Variants in C6orf136 observed in about 807,000 individuals in gnomAD.
C6orf136 encodes the protein uncharacterized protein C6orf136.
Under a neutral mutation model 44.0 loss-of-function variants are expected in C6orf136, and 29 were observed. The ratio of observed to expected loss-of-function variants is 0.66; its 90% CI spans 0.49 to 0.90. The LOEUF is 0.90. Among genes scored for constraint, C6orf136 ranks in the 40% least tolerant of loss-of-function variants. The pLI, the probability that C6orf136 is intolerant of heterozygous loss-of-function variation, is 0.00. For synonymous variants in C6orf136, 293 were observed against 278.6 expected (o/e 1.05, Z -0.52); for missense variants, 628 against 669.3 (o/e 0.94, Z 0.68).
At position 30,649,694 on chromosome 6, in the gene C6orf136, C is replaced by T; in HGVS notation, c.752C>T (p.Pro251Leu). ...LPTQRLPQVP[P>L]LPLPQIQALS... ...ACCCAGCGTCTTCCCCAGGTTCCCCCACTACCTCTCCCTCAGATCCAGGCC... is the reference window on the plus strand; with the variant it reads ...ACCCAGCGTCTTCCCCAGGTTCCCCTACTACCTCTCCCTCAGATCCAGGCC... The change falls in exon 2 of 6, where the codon CCA becomes CTA. Residue 251 changes from proline to leucine, a missense_variant. This residue lies in a region of C6orf136 where 497 missense variants were observed against 469.2 expected (regional missense o/e 1.06). Transcript: ENST00000651131. 1 of 1,611,978 alleles carries T rather than the reference C, an allele frequency of 6.2e-7. No individual in the cohort carries two copies. Among genetic ancestry groups the T allele is most frequent in the South Asian group, 1.1e-5 (1 of 90,906 alleles).
chr6:30,650,928 T>G (rs1355546362), intron 2 of C6orf136, 66 bp from the exon 3 acceptor site: 5 of 1,318,720 alleles, frequency 3.8e-6, no homozygotes, highest in South Asian at 2.5e-5. Context: ...AAAAAAAAAT[T>G]AGAAAACTGA....
Position 30,647,451 on chromosome 6 carries a change from A to G in C6orf136, c.220A>G (p.Arg74Gly), listed in dbSNP as rs1288949198. Residue 74 changes from arginine to glycine, a missense_variant, in exon 1 of 6, where the codon AGG (arginine) becomes GGG (glycine). Transcript: ENST00000651131. The surrounding 1 kb of genome is among the most constrained non-coding windows in gnomAD (Gnocchi z 4.8). ...CACCTGTGCCCTGCAGCGCGTGGAC[A>G]GGCTAGGGGTCGCGGGAGCGGGAGG... ...LPTCALQRVD[R>G]LGVAGAGGRR... 6 of 1,467,206 alleles carry G rather than the reference A, an allele frequency of 4.1e-6. No homozygotes were observed. The highest frequency in any genetic ancestry group is 1.8e-6 in the Non-Finnish European group (2 of 1,104,518). 90.9% of individuals were successfully genotyped at this position (1,467,206 alleles called of 1,614,324 possible). A position where few individuals can be genotyped will look rare whatever the true frequency, so the allele number is the denominator to read the frequency against.
rs369551261 is a variant in C6orf136, at chr6:30,650,019, C to T, written c.1017+60C>T. The T allele has an allele frequency of 7.9e-5, 114 of 1,443,528 alleles. No homozygotes were observed. The African/African-American group carries it at 1.0e-3, about 13-fold the overall frequency. The allele number at this position is 1,443,528 out of a possible 1,614,324, so 89.4% of individuals were successfully genotyped here. On this transcript the variant is annotated intron_variant, in intron 2 of 5. Transcript: ENST00000651131. ...GGGAAGGATGTGGGTAATCCTTGGACGTACAGGGATAGTCAACTGGATTCT... is the reference window on the plus strand; with the variant it reads ...GGGAAGGATGTGGGTAATCCTTGGATGTACAGGGATAGTCAACTGGATTCT...
intron 4 of C6orf136, 165 bp from the exon 5 acceptor site, chr6:30,652,483 T>A: frequency 1.5e-6 from 1 of 662,604 alleles, no homozygotes. Context: ...CCAAACACTC[T>A]GATTTAATTG....
rs1179291498 is a variant in C6orf136, at chr6:30,649,652, T to A, written c.710T>A (p.Leu237Gln). Residue 237 changes from leucine (L) to glutamine (Q), a missense_variant, in exon 2 of 6, where the codon CTG (leucine) becomes CAG (glutamine). Transcript: ENST00000651131. ...SPSSPLFWSP[L>Q]PPRLPTQRLP... Reference sequence around the variant, plus strand: ...TCTTCTCCTCTATTCTGGTCTCCCCTGCCCCCACGCCTTCCCACCCAGCGT... The same window carrying A: ...TCTTCTCCTCTATTCTGGTCTCCCCAGCCCCCACGCCTTCCCACCCAGCGT... The A allele has an allele frequency of 1.2e-6, 2 of 1,605,178 alleles. No homozygotes were observed. The highest frequency in any genetic ancestry group is 2.7e-5 in the African/African-American group (2 of 74,194).
intron 3 of C6orf136, 71 bp from the exon 4 acceptor site, chr6:30,651,195 C>T: frequency 1.3e-6 from 2 of 1,586,998 alleles, no homozygotes; most frequent in Admixed American, 1.7e-5. Context: ...AGCTGTTCCC[C>T]ATTCCTTAGA....
Position 30,647,950 on chromosome 6 carries a change from C to T in C6orf136, c.615+104C>T. ...GAGGCCTAACTTTGGGTGACCTCCC[C>T]TTGCAGTTTCAACGTCGGTAAACCC... On this transcript the variant is annotated intron_variant, in intron 1 of 5. Coordinates refer to ENST00000651131, the MANE Select transcript of C6orf136 (RefSeq NM_001161376.2). This position sits in a 1 kb window ranked among gnomAD's most constrained non-coding sequence, Gnocchi z 4.8. The T allele has an allele frequency of 7.1e-7, 1 of 1,403,438 alleles. No homozygotes were observed. 86.9% of individuals were successfully genotyped at this position (1,403,438 alleles called of 1,614,324 possible).
intron 1 of C6orf136, 98 bp from the exon 2 acceptor site, chr6:30,649,460 G>C: frequency 9.4e-7 from 1 of 1,061,234 alleles, no homozygotes; most frequent in Non-Finnish European, 1.4e-6. Flanking sequence ...CATTCTGTCA[G>C]GAGGAATAGG....
At chr6:30,651,589 C>A in intron 4 of C6orf136, 123 bp downstream of exon 4, 1 of 941,556 alleles carries the variant, frequency 1.1e-6, no homozygotes, top group Non-Finnish European at 1.6e-6. Flanking sequence ...TCACTGCAGC[C>A]TCTGCCTCCC....
At chr6:30,649,232 G>A (rs1006962729) in intron 1 of C6orf136, among the ~76,000 whole-genome samples, 3 of 151,824 alleles carry the variant, frequency 2.0e-5, no homozygotes, top group East Asian at 1.9e-4. Context: ...GCATGGTGGC[G>A]CGCGCCTGTA....
rs549203712 is a variant in C6orf136, at chr6:30,647,951, T to G, written c.615+105T>G. ...AGGCCTAACTTTGGGTGACCTCCCC[T>G]TGCAGTTTCAACGTCGGTAAACCCA... is the stretch of plus-strand genomic sequence containing the variant. On this transcript the variant is annotated intron_variant, in intron 1 of 5. Coordinates refer to ENST00000651131, the MANE Select transcript of C6orf136 (RefSeq NM_001161376.2). The surrounding 1 kb of genome is among the most constrained non-coding windows in gnomAD (Gnocchi z 4.8). 7.1e-7 allele frequency: 1 copy of G among 1,402,056 alleles called. No individual in the cohort carries two copies. Among genetic ancestry groups the G allele is most frequent in the South Asian group, 1.5e-5 (1 of 64,916 alleles). The allele number at this position is 1,402,056 out of a possible 1,614,324, so 86.9% of individuals were successfully genotyped here.
In C6orf136 at chr6:30,653,016, T is replaced by G. The variant is rs1034855741; in HGVS notation, c.*101T>G. The stretch of plus-strand genomic sequence containing the variant: ...CAGGAGCCAGCTTCCTCTCCTCGTT[T>G]CTCTCCTTCCTTCCTTTCCATCTCA... On this transcript the variant is annotated 3_prime_UTR_variant, in exon 6 of 6. Transcript: ENST00000651131. 8.3e-6 allele frequency: 10 copies of G among 1,204,160 alleles called. No homozygotes were observed. The highest frequency in any genetic ancestry group is 1.1e-5 in the Non-Finnish European group (9 of 835,390). The allele number at this position is 1,204,160 out of a possible 1,614,324, so 74.6% of individuals were successfully genotyped here. A position where few individuals can be genotyped will look rare whatever the true frequency, so the allele number is the denominator to read the frequency against.
In C6orf136 at chr6:30,647,393, C is replaced by G; in HGVS notation, c.162C>G (p.Ser54=). 1 of 1,481,706 alleles carries G rather than the reference C, an allele frequency of 6.7e-7. No homozygotes were observed. Among genetic ancestry groups the G allele is most frequent in the Non-Finnish European group, 9.0e-7 (1 of 1,115,918 alleles). 91.8% of individuals were successfully genotyped at this position (1,481,706 alleles called of 1,614,324 possible). Residue 54 remains serine, a synonymous_variant, in exon 1 of 6, where the codon TCC becomes TCG. Coordinates refer to ENST00000651131, the MANE Select transcript of C6orf136 (RefSeq NM_001161376.2). This position sits in a 1 kb window ranked among gnomAD's most constrained non-coding sequence, Gnocchi z 4.8. ...PVRGAERALG[S]AQAQRHPPPL... ...GTGGGGCGGAGCGCGCGCTGGGTTC[C>G]GCGCAGGCGCAGAGACACCCGCCGC...
chr6:30,647,629 G>T lies in C6orf136; in HGVS notation c.398G>T (p.Arg133Leu). 5 of 1,549,926 alleles carry T rather than the reference G, an allele frequency of 3.2e-6. No homozygotes were observed. The highest frequency in any genetic ancestry group is 4.4e-6 in the Non-Finnish European group (5 of 1,146,508). The change falls in exon 1 of 6, where the codon CGA becomes CTA. Residue 133 changes from arginine to leucine, a missense_variant. Arg to Leu is a moderately radical substitution (Grantham distance 102). Around this residue, in one of 2 missense-constraint regions of C6orf136, gnomAD observed 497 missense variants for 469.2 expected, o/e 1.06. Transcript: ENST00000651131. The surrounding 1 kb of genome is among the most constrained non-coding windows in gnomAD (Gnocchi z 4.8). ...AGAGGTGATTTGAAGGGCAGGGGCCGAGAGATTCGTAGCCCTGCTGCGGCG... is the reference window on the plus strand; with the variant it reads ...AGAGGTGATTTGAAGGGCAGGGGCCTAGAGATTCGTAGCCCTGCTGCGGCG... The part of the protein sequence containing the change: ...VPRGDLKGRG[R>L]EIRSPAAAPS...
chr6:30,649,790 G>C lies in C6orf136; in HGVS notation c.848G>C (p.Gly283Ala), dbSNP rs1767236619. 3.1e-6 allele frequency: 5 copies of C among 1,614,108 alleles called. No individual in the cohort carries two copies. The highest frequency in any genetic ancestry group is 4.2e-6 in the Non-Finnish European group (5 of 1,180,000). ...EEGPGPELHS[G>A]CLDGLRSLFE... ...GGACCAGGACCTGAGTTGCATAGCG[G>C]CTGCCTGGATGGGCTTAGAAGCCTT... The change falls in exon 2 of 6, where the codon GGC becomes GCC. Residue 283 changes from glycine to alanine, a missense_variant. By Grantham distance (60) the Gly-to-Ala change is moderately conservative. Coordinates refer to ENST00000651131, the MANE Select transcript of C6orf136 (RefSeq NM_001161376.2).
At chr6:30,652,239 T>TCACACACACACACACACA (rs5875269) in intron 4 of C6orf136, among the ~76,000 whole-genome samples, 1 of 142,606 alleles carries the variant, frequency 7.0e-6, no homozygotes, top group African/African-American at 2.6e-5. Flanking sequence ...TGAAACCCTG[T>TCACACACACACACACACA]CACACACACA....
At position 30,653,128 on chromosome 6, in the gene C6orf136, C is replaced by T; in HGVS notation, c.*213C>T. ...GATAGAATTTCACATATCACTTTCTCTAGATCCCAAATGTTCCCACAAGCT... is the reference window on the plus strand; with the variant it reads ...GATAGAATTTCACATATCACTTTCTTTAGATCCCAAATGTTCCCACAAGCT... On this transcript the variant is annotated 3_prime_UTR_variant, in exon 6 of 6. Coordinates refer to ENST00000651131, the MANE Select transcript of C6orf136 (RefSeq NM_001161376.2). 4 of 1,336,902 alleles carry T rather than the reference C, an allele frequency of 3.0e-6. No homozygotes were observed. The highest frequency in any genetic ancestry group is 4.1e-6 in the Non-Finnish European group (4 of 986,184). The allele number at this position is 1,336,902 out of a possible 1,614,324, so 82.8% of individuals were successfully genotyped here.
Position 30,647,282 on chromosome 6 carries a change from C to G in C6orf136, c.51C>G (p.Arg17=). The G allele has an allele frequency of 6.2e-7, 1 of 1,600,326 alleles. No homozygotes were observed. Among genetic ancestry groups the G allele is most frequent in the Non-Finnish European group, 8.5e-7 (1 of 1,175,496 alleles). Residue 17 remains arginine (R), a synonymous_variant, in exon 1 of 6, where the codon CGC becomes CGG. Transcript: ENST00000651131. The surrounding 1 kb of genome is among the most constrained non-coding windows in gnomAD (Gnocchi z 4.8). ...GAARRLGPCL[R]AYQARPQVSG... ...CCCGGCGTCTCGGCCCTTGCCTGCG[C>G]GCCTACCAGGCTCGACCCCAGGTGA...
In C6orf136 at chr6:30,647,433, G is replaced by T. The variant is rs555516210; in HGVS notation, c.202G>T (p.Ala68Ser). 31 of 1,471,760 alleles carry T rather than the reference G, an allele frequency of 2.1e-5. No homozygotes were observed. The highest frequency in any genetic ancestry group is 1.8e-4 in the Middle Eastern group (1 of 5,630). The allele number at this position is 1,471,760 out of a possible 1,614,324, so 91.2% of individuals were successfully genotyped here. Residue 68 changes from alanine to serine, a missense_variant, in exon 1 of 6, where the codon GCC (alanine) becomes TCC (serine). Ala to Ser is a moderately conservative substitution (Grantham distance 99). This residue lies in a region of C6orf136 where 497 missense variants were observed against 469.2 expected (regional missense o/e 1.06). Coordinates refer to ENST00000651131, the MANE Select transcript of C6orf136 (RefSeq NM_001161376.2). This position sits in a 1 kb window ranked among gnomAD's most constrained non-coding sequence, Gnocchi z 4.8. Reference protein sequence around the residue: ...QRHPPPLPTCALQRVDRLGVA... With the variant: ...QRHPPPLPTCSLQRVDRLGVA... ...ACACCCGCCGCCCCTTCCCACCTGT[G>T]CCCTGCAGCGCGTGGACAGGCTAGG...
Sources: gnomAD v4.1 joint callset for allele counts (sites outside exome capture counted in the v4.1 genomes callset) on GRCh38, gnomAD v4.1.1 for gene constraint, gnomAD v4.1.1 regional missense constraint, Gnocchi (gnomAD v3.1) non-coding constraint, MANE v1.5 for transcripts, NCBI Gene and HGNC (gene_info 2026-07-23, HGNC 2026-07-21) for gene names.